PIEZO2: variants seen among roughly 807,000 people sequenced by gnomAD.
The protein encoded by PIEZO2 is piezo type mechanosensitive ion channel component 2.
A neutral mutation model predicts 337.3 loss-of-function variants in PIEZO2; 172 were observed. The observed-to-expected ratio is 0.51, with a 90% CI of 0.45 to 0.58. The LOEUF (loss-of-function observed/expected upper bound fraction) is 0.58, where lower values mean the gene tolerates loss of function less well. Ranked by LOEUF, PIEZO2 falls within the 20% of genes least tolerant of loss-of-function variation. PIEZO2 has a pLI of 0.00. For synonymous variants in PIEZO2, 1,251 were observed against 1,228.5 expected (o/e 1.02, Z -0.38); for missense variants, 3,028 against 3,391.3 (o/e 0.89, Z 2.66).
At chr18:10,990,590 A>G (rs2035051514) in intron 2 of PIEZO2, among the ~76,000 whole-genome samples, 1 of 152,060 alleles carries the variant, frequency 6.6e-6, no homozygotes, top group Non-Finnish European at 1.5e-5. Context: ...AAATATATAC[A>G]TGATAATTTT....
chr18:10,682,171 T>C lies in PIEZO2; in HGVS notation c.7619A>G (p.Lys2540Arg). ...WFPLLFMSLI[K>R]SVAGVINQPL... ...CTGGTTGATGACCCCAGCCACAGAT[T>C]TGATCAAAGACATGAAGAGAAGAGG... Residue 2540 changes from lysine to arginine, a missense_variant, in exon 50 of 56, where the codon AAA (lysine) becomes AGA (arginine). Physicochemically the swap from Lys to Arg is conservative, Grantham distance 26 (BLOSUM62 2). Coordinates refer to ENST00000674853, the MANE Select transcript of PIEZO2 (RefSeq NM_001378183.1). This position sits in a 1 kb window ranked among gnomAD's most constrained non-coding sequence, Gnocchi z 5.6. The C allele has an allele frequency of 1.3e-6, 2 of 1,537,144 alleles. No homozygotes were observed. Among genetic ancestry groups the C allele is most frequent in the East Asian group, 2.4e-5 (1 of 40,922 alleles).
Position 10,903,438 on chromosome 18 carries a change from C to A in PIEZO2, c.329+7748G>T, listed in dbSNP as rs551043501. 6.6e-6 allele frequency among the ~76,000 whole-genome samples: 1 copy of A among 152,086 alleles called. No individual in the cohort carries two copies. Among genetic ancestry groups the A allele is most frequent in the East Asian group, 1.9e-4 (1 of 5,180 alleles). On this transcript the variant is annotated intron_variant, in intron 4 of 55. Coordinates refer to ENST00000674853, the MANE Select transcript of PIEZO2 (RefSeq NM_001378183.1). This position sits in a 1 kb window ranked among gnomAD's most constrained non-coding sequence, Gnocchi z 4.1. The stretch of plus-strand genomic sequence containing the variant: ...ATCCCAGCACTTTGAGAGGCCAAGG[C>A]GGGCGGATCATGAGGTCAAGAGATC...
chr18:11,081,700 A>T (rs752666838), intron 1 of PIEZO2, among the ~76,000 whole-genome samples: 10 of 151,680 alleles, frequency 6.6e-5, no homozygotes, highest in Non-Finnish European at 7.4e-5. Context: ...AAAACTCTGA[A>T]CTGAGACCAA....
chr18:10,770,904 T>C (rs916169620), intron 20 of PIEZO2, among the ~76,000 whole-genome samples: 1 of 152,088 alleles, frequency 6.6e-6, no homozygotes, highest in African/African-American at 2.4e-5. Context: ...CTAATTTTTG[T>C]ATTTTCAGTA....
rs12457872 is a variant in PIEZO2, at chr18:11,079,732, A to G, written c.65-13510T>C. Among the ~76,000 whole-genome samples the G allele has an allele frequency of 2.1e-3, 320 of 152,326 alleles. 2 individuals are homozygous for G. Among genetic ancestry groups the G allele is most frequent in the African/African-American group, 3.7e-3 (154 of 41,570 alleles). ...ACCACAAATTCATAAGCATCCTTCA[A>G]ATTAGCTCAAATGTTTGTCTCGTCT... On this transcript the variant is annotated intron_variant, in intron 1 of 55. Transcript: ENST00000674853.
rs370613010 is a variant in PIEZO2 at position 10,763,383 on chromosome 18, C to T, written c.2947-285G>A. 1.5e-4 allele frequency: 53 copies of T among 347,856 alleles called. 1 individual carries two copies. Among genetic ancestry groups the T allele is most frequent in the African/African-American group, 1.0e-3 (49 of 47,616 alleles). The allele number at this position is 347,856 out of a possible 1,614,324, so 21.5% of individuals were successfully genotyped here. On this transcript the variant is annotated intron_variant, in intron 21 of 55. Transcript: ENST00000674853. ...CAATGTGGGCAGGCTCCTGTGAGAG[C>T]GCCCAGAAGGGTCCTTGGTCCAATG...
chr18:10,921,807 CG>C (rs1304248698), intron 3 of PIEZO2, among the ~76,000 whole-genome samples: 1 of 152,154 alleles, frequency 6.6e-6, no homozygotes, highest in Admixed American at 6.5e-5. Flanking sequence ...AGAGAATACT[CG>C]CCTGAGGGTG....
Position 11,131,834 on chromosome 18 carries a change from T to C in PIEZO2, c.64+16691A>G, listed in dbSNP as rs2040348995. ...TGACCTCAGTGGAGGAGGAGTTTAA[T>C]AATGAAGCGGATAGGATGACCTGTT... On this transcript the variant is annotated intron_variant, in intron 1 of 55. Transcript: ENST00000674853. The surrounding 1 kb of genome is among the most constrained non-coding windows in gnomAD (Gnocchi z 5.3). Among the ~76,000 whole-genome samples the C allele has an allele frequency of 6.6e-6, 1 of 152,142 alleles. No homozygotes were observed. Among genetic ancestry groups the C allele is most frequent in the Non-Finnish European group, 1.5e-5 (1 of 68,020 alleles).
chr18:10,739,272 T>C (rs925031975), intron 33 of PIEZO2: 2 of 152,246 alleles, frequency 1.3e-5, no homozygotes, highest in Non-Finnish European at 2.9e-5. Context: ...TATTGCATCA[T>C]AAGGTTTTGT....
chr18:10,931,848 T>G (rs1189873402), intron 3 of PIEZO2, among the ~76,000 whole-genome samples: 1 of 152,172 alleles, frequency 6.6e-6, no homozygotes, highest in Admixed American at 6.5e-5. Context: ...CACCAACCAT[T>G]TCAATGCATG....
chr18:10,941,918 G>T (rs758998710), intron 3 of PIEZO2, among the ~76,000 whole-genome samples: 14 of 152,242 alleles, frequency 9.2e-5, no homozygotes, highest in Admixed American at 3.9e-4. Flanking sequence ...TGAATCATGG[G>T]GGGTGGGTCT....
At chr18:10,753,767 T>A (rs893253773) in intron 27 of PIEZO2, among the ~76,000 whole-genome samples, 1 of 152,246 alleles carries the variant, frequency 6.6e-6, no homozygotes, top group Non-Finnish European at 1.5e-5. Flanking sequence ...ATTAGGGGGA[T>A]GAGTTTAAGT....
In PIEZO2 at chr18:10,750,647, G is replaced by C. The variant is rs951051616; in HGVS notation, c.4168-460C>G. Among the ~76,000 whole-genome samples the C allele has an allele frequency of 6.6e-6, 1 of 152,112 alleles. No individual in the cohort carries two copies. The highest frequency in any genetic ancestry group is 2.4e-5 in the African/African-American group (1 of 41,412). ...GAACAAAACAGAGTATGTGTTTTGA[G>C]TCTTGTTTGACCAATTCTCTCGGTA... On this transcript the variant is annotated intron_variant, in intron 28 of 55. Transcript: ENST00000674853. The surrounding 1 kb of genome is among the most constrained non-coding windows in gnomAD (Gnocchi z 4.1).
At chr18:10,922,116 G>C (rs1004930751) in intron 3 of PIEZO2, among the ~76,000 whole-genome samples, 1 of 152,076 alleles carries the variant, frequency 6.6e-6, no homozygotes, top group Non-Finnish European at 1.5e-5. Flanking sequence ...AGTACGTGAT[G>C]TCTGTGACCC....
Position 11,094,402 on chromosome 18 carries a change from G to A in PIEZO2, c.65-28180C>T, listed in dbSNP as rs1432987571. On this transcript the variant is annotated intron_variant, in intron 1 of 55. Coordinates refer to ENST00000674853, the MANE Select transcript of PIEZO2 (RefSeq NM_001378183.1). The surrounding 1 kb of genome is among the most constrained non-coding windows in gnomAD (Gnocchi z 4.4). ...AACCAGGGCTTTGAGTCAAGTTAAC[G>A]ACTTTTCCACCATTTTACAGCTGCC... Among the ~76,000 whole-genome samples, 2 of 152,084 alleles carry A rather than the reference G, an allele frequency of 1.3e-5. No individual in the cohort carries two copies. Among genetic ancestry groups the A allele is most frequent in the South Asian group, 2.1e-4 (1 of 4,822 alleles).
rs369276435 is a variant in PIEZO2 at position 10,834,422 on chromosome 18, A to G, written c.917+20931T>C. Among the ~76,000 whole-genome samples the G allele has an allele frequency of 7.2e-5, 11 of 152,192 alleles. No individual in the cohort carries two copies. Among genetic ancestry groups the G allele is most frequent in the African/African-American group, 2.4e-4 (10 of 41,442 alleles). The stretch of plus-strand genomic sequence containing the variant: ...CACCCGACAATACTATGTGCTCAAT[A>G]CACCTTAACTATTACAACTATGATA... On this transcript the variant is annotated intron_variant, in intron 7 of 55. Coordinates refer to ENST00000674853, the MANE Select transcript of PIEZO2 (RefSeq NM_001378183.1). This position sits in a 1 kb window ranked among gnomAD's most constrained non-coding sequence, Gnocchi z 4.5.
At chr18:11,095,900 G>A (rs2039249855) in intron 1 of PIEZO2, among the ~76,000 whole-genome samples, 1 of 152,164 alleles carries the variant, frequency 6.6e-6, no homozygotes. Flanking sequence ...TGTTGAGTAA[G>A]GCCTTAAGTT....
In PIEZO2 at chr18:11,143,237, T is replaced by C. The variant is rs983956168; in HGVS notation, c.64+5288A>G. 2.0e-5 allele frequency among the ~76,000 whole-genome samples: 3 copies of C among 152,362 alleles called. No individual in the cohort carries two copies. The highest frequency in any genetic ancestry group is 2.0e-4 in the Admixed American group (3 of 15,306). On this transcript the variant is annotated intron_variant, in intron 1 of 55. Transcript: ENST00000674853. This position sits in a 1 kb window ranked among gnomAD's most constrained non-coding sequence, Gnocchi z 4.9. The stretch of plus-strand genomic sequence containing the variant: ...GTTGTAGATTATACACATGGTATCA[T>C]ATTGTTCTTCATCAATTGTTCTTCA...
chr18:10,881,746 C>G lies in PIEZO2; in HGVS notation c.330-10331G>C, dbSNP rs191722335. Among the ~76,000 whole-genome samples, 69 of 152,222 alleles carry G rather than the reference C, an allele frequency of 4.5e-4. 1 individual carries two copies. The highest frequency in any genetic ancestry group is 1.4e-3 in the African/African-American group (59 of 41,550). ...AAACAAAAGAATTGAATAACAACAA[C>G]AAAAAACTCCAAAACAATAAAACTC... On this transcript the variant is annotated intron_variant, in intron 4 of 55. Coordinates refer to ENST00000674853, the MANE Select transcript of PIEZO2 (RefSeq NM_001378183.1).
Sources: gnomAD v4.1 joint callset for allele counts (sites outside exome capture counted in the v4.1 genomes callset) on GRCh38, gnomAD v4.1.1 for gene constraint, Gnocchi (gnomAD v3.1) non-coding constraint, MANE v1.5 for transcripts, NCBI Gene and HGNC (gene_info 2026-07-23, HGNC 2026-07-21) for gene names.